OTOP1: variants seen among roughly 807,000 people sequenced by gnomAD.
OTOP1 encodes the protein otopetrin 1.
In OTOP1, 59 loss-of-function variants were observed where a neutral mutation model predicts 52.9. That is an observed-to-expected ratio of 1.12 (90% confidence interval 0.91 to 1.39). The LOEUF is 1.39. OTOP1 is among the 40% of genes most tolerant of loss of function. OTOP1 has a pLI of 0.00. For synonymous variants in OTOP1, 317 were observed against 337.7 expected, an observed-to-expected ratio of 0.94 and a Z score of 0.67; for missense variants, 761 against 800.9, an observed-to-expected ratio of 0.95 and a Z score of 0.60.
chr4:4,196,904 C>T (rs1716644006), intron 5 of OTOP1, among the ~76,000 whole-genome samples: 1 of 152,086 alleles, frequency 6.6e-6, no homozygotes, highest in African/African-American at 2.4e-5. Flanking sequence ...TAAGTGGGAG[C>T]TTAACATTGG....
At chr4:4,195,432 TC>T (rs1716600349) in intron 5 of OTOP1, among the ~76,000 whole-genome samples, 1 of 152,070 alleles carries the variant, frequency 6.6e-6, no homozygotes, top group Non-Finnish European at 1.5e-5. Flanking sequence ...ACCATCCACT[TC>T]CCCAGCCTCC....
intron 5 of OTOP1, among the ~76,000 whole-genome samples, chr4:4,196,911 T>C (rs769711076): frequency 3.6e-4 from 54 of 152,102 alleles, no homozygotes; most frequent in East Asian, 5.8e-4. Context: ...GAGCTTAACA[T>C]TGGGTACTCA....
chr4:4,214,387 G>A (rs1316239725), intron 1 of OTOP1, among the ~76,000 whole-genome samples: 1 of 152,170 alleles, frequency 6.6e-6, no homozygotes, highest in Non-Finnish European at 1.5e-5. Context: ...ATTGAAAACA[G>A]TAGGGAGGGC....
At chr4:4,216,501 G>A (rs1344753958) in intron 1 of OTOP1, among the ~76,000 whole-genome samples, 1 of 152,128 alleles carries the variant, frequency 6.6e-6, no homozygotes, top group East Asian at 1.9e-4. Context: ...ATAACATTGG[G>A]CTATAACGTT....
At position 4,226,608 on chromosome 4, in the gene OTOP1, C is replaced by T; in HGVS notation, c.257G>A (p.Gly86Asp). 6.2e-7 allele frequency: 1 copy of T among 1,600,148 alleles called. No individual in the cohort carries two copies. Residue 86 changes from glycine to aspartate, a missense_variant, in exon 1 of 6, where the codon GGC (glycine) becomes GAC (aspartate). Transcript: ENST00000296358. ...LLLAWAVHAA[G>D]VSKSDLLCFL... ...GCACAGCAGGTCGCTCTTGCTCACG[C>T]CCGCGGCGTGCACGGCCCAGGCCAG... is the stretch of plus-strand genomic sequence containing the variant.
At position 4,202,457 on chromosome 4, in the gene OTOP1, T is replaced by C. The variant is rs28394859; in HGVS notation, c.721A>G (p.Ile241Val). 3.1e-3 allele frequency: 5,047 copies of C among 1,613,874 alleles called. 142 individuals are homozygous for C. The African/African-American group carries it at 0.059, about 19-fold the overall frequency. ...ERLITLGFGN[I>V]TTVLDDHTPQ... Reference sequence around the variant, plus strand: ...CTCTCTCACCACTCACCTGTTGTTATGTTCCCAAAACCCAGAGTGATGAGC... The same window carrying C: ...CTCTCTCACCACTCACCTGTTGTTACGTTCCCAAAACCCAGAGTGATGAGC... The change falls in exon 4 of 6, where the codon ATA (isoleucine) becomes GTA (valine). Residue 241 changes from isoleucine to valine, a missense_variant. Physicochemically the swap from Ile to Val is conservative, Grantham distance 29. This residue lies in a region of OTOP1 where 632 missense variants were observed against 619.5 expected (regional missense o/e 1.02). Transcript: ENST00000296358.
At chr4:4,190,724 C>T (rs1716482640) in intron 5 of OTOP1, among the ~76,000 whole-genome samples, 1 of 152,142 alleles carries the variant, frequency 6.6e-6, no homozygotes, top group African/African-American at 2.4e-5. Context: ...TTGGTATCCA[C>T]CACGGGGACC....
At chr4:4,207,653 T>C (rs1716936339) in intron 2 of OTOP1, among the ~76,000 whole-genome samples, 1 of 151,996 alleles carries the variant, frequency 6.6e-6, no homozygotes, top group African/African-American at 2.4e-5. Flanking sequence ...AAGATATTTG[T>C]CCACCCATGT....
chr4:4,206,063 A>G lies in OTOP1; in HGVS notation c.599+9T>C. ...TTCAACATATAAAGCAATTACCCAC[A>G]ATTTTTACCTTTCCAGTGTTTTGAA... On this transcript the variant is annotated intron_variant, in intron 3 of 5. Transcript: ENST00000296358. 1 of 1,597,170 alleles carries G rather than the reference A, an allele frequency of 6.3e-7. No homozygotes were observed. Among genetic ancestry groups the G allele is most frequent in the Non-Finnish European group, 8.6e-7 (1 of 1,165,314 alleles).
At chr4:4,200,750 G>T (rs1310052750) in intron 4 of OTOP1, among the ~76,000 whole-genome samples, 1 of 141,650 alleles carries the variant, frequency 7.1e-6, no homozygotes, top group East Asian at 2.1e-4. Context: ...CAGAGCTGGG[G>T]TCTCCCTTTG....
At chr4:4,222,913 G>C (rs1717331936) in intron 1 of OTOP1, among the ~76,000 whole-genome samples, 1 of 152,140 alleles carries the variant, frequency 6.6e-6, no homozygotes, top group Non-Finnish European at 1.5e-5. Flanking sequence ...GAATGGCCAG[G>C]GCTTTGCAAA....
In OTOP1 at chr4:4,188,813, C is replaced by T; in HGVS notation, c.1829G>A (p.Cys610Tyr). ...TCTTGTGGACCCAGACTATATCTTA[C>T]AATAGACCTCAAAGAGGGAGGCAGC... ...HAAASLFEVY[C>Y]KI The change falls in exon 6 of 6, where the codon TGT becomes TAT. Residue 610 changes from cysteine to tyrosine, a missense_variant. By Grantham distance (194) the Cys-to-Tyr change is radical. Transcript: ENST00000296358. 6.2e-7 allele frequency: 1 copy of T among 1,612,728 alleles called. No individual in the cohort carries two copies.
At chr4:4,196,060 C>A (rs780043277) in intron 5 of OTOP1, among the ~76,000 whole-genome samples, 2 of 152,182 alleles carry the variant, frequency 1.3e-5, no homozygotes, top group Admixed American at 6.5e-5. Context: ...TTACAAGCTG[C>A]CTCCATTCCT....
rs1473622194 is a variant in OTOP1, at chr4:4,202,453, G to T, written c.725C>A (p.Thr242Lys). The change falls in exon 4 of 6, where the codon ACA becomes AAA. Residue 242 changes from threonine (T) to lysine (K), a missense_variant. Physicochemically the swap from Thr to Lys is moderately conservative, Grantham distance 78. Around this residue, in one of 3 missense-constraint regions of OTOP1, gnomAD observed 632 missense variants for 619.5 expected, o/e 1.02. Transcript: ENST00000296358. ...TCACCTCTCTCACCACTCACCTGTT[G>T]TTATGTTCCCAAAACCCAGAGTGAT... ...RLITLGFGNITTVLDDHTPQC... is the reference protein window; with the variant it reads ...RLITLGFGNIKTVLDDHTPQC... The T allele has an allele frequency of 6.8e-6, 11 of 1,613,626 alleles. No homozygotes were observed. The East Asian group carries it at 1.8e-4, about 26-fold the overall frequency.
rs1343499293 is a variant in OTOP1, at chr4:4,219,899, A to G, written c.403+6563T>C. Among the ~76,000 whole-genome samples the G allele has an allele frequency of 1.4e-5, 2 of 146,008 alleles. 1 individual carries two copies. Among genetic ancestry groups the G allele is most frequent in the Admixed American group, 1.4e-4 (2 of 14,542 alleles). On this transcript the variant is annotated intron_variant, in intron 1 of 5. Transcript: ENST00000296358. ...TATGTATATATACACATATATGTAT[A>G]CACATATATGTGTGTATATACGTAT...
In OTOP1 at chr4:4,197,159, A is replaced by G; in HGVS notation, c.1668+7T>C. The stretch of plus-strand genomic sequence containing the variant: ...TAAAAGAATAAGAATAACTTGGTGC[A>G]GATTACCGAAATATTGCAGAGGAAC... On this transcript the variant is annotated splice_region_variant and intron_variant, in intron 5 of 5. Coordinates refer to ENST00000296358, the MANE Select transcript of OTOP1 (RefSeq NM_177998.3). 3 of 1,593,218 alleles carry G rather than the reference A, an allele frequency of 1.9e-6. No individual in the cohort carries two copies. In the Admixed American group the frequency reaches 5.2e-5, roughly 28 times the overall value.
intron 2 of OTOP1, among the ~76,000 whole-genome samples, chr4:4,210,449 C>T (rs544472625): frequency 2.3e-4 from 35 of 152,318 alleles, no homozygotes; most frequent in Non-Finnish European, 3.8e-4. Context: ...TGAGGCCTCT[C>T]TCTTTGGCTT....
At position 4,202,578 on chromosome 4, in the gene OTOP1, C is replaced by A; in HGVS notation, c.600G>T (p.Arg200Ser). 6.2e-7 allele frequency: 1 copy of A among 1,613,532 alleles called. No homozygotes were observed. Among genetic ancestry groups the A allele is most frequent in the Non-Finnish European group, 8.5e-7 (1 of 1,179,632 alleles). The change falls in exon 4 of 6, where the codon AGG (arginine) becomes AGT (serine). Residue 200 changes from arginine (R) to serine (S), a missense_variant and splice_region_variant. Physicochemically the swap from Arg to Ser is moderately radical, Grantham distance 110. Coordinates refer to ENST00000296358, the MANE Select transcript of OTOP1 (RefSeq NM_177998.3). Reference protein sequence around the residue: ...DIIQSFKTLERFGVIHSVFTN... With the variant: ...DIIQSFKTLESFGVIHSVFTN... ...TGAACACCGAGTGGATCACTCCAAACCTGAAAAACACAAGGACTCAGTTCT... is the reference window on the plus strand; with the variant it reads ...TGAACACCGAGTGGATCACTCCAAAACTGAAAAACACAAGGACTCAGTTCT...
chr4:4,212,444 A>G (rs993938437), intron 2 of OTOP1, among the ~76,000 whole-genome samples: 2 of 152,234 alleles, frequency 1.3e-5, no homozygotes, highest in African/African-American at 4.8e-5. Flanking sequence ...TTTTTTAGAA[A>G]AATAAAATTG....
Sources: allele counts gnomAD v4.1 joint callset (sites outside exome capture counted in the v4.1 genomes callset), GRCh38; gene constraint gnomAD v4.1.1; regional missense constraint gnomAD v4.1.1; transcripts MANE v1.5; gene names NCBI Gene and HGNC (gene_info 2026-07-23, HGNC 2026-07-21).